ZMAT4: variants seen among roughly 807,000 people sequenced by gnomAD.
ZMAT4 encodes the protein zinc finger matrin-type protein 4.
A neutral mutation model predicts 28.7 loss-of-function variants in ZMAT4; 17 were observed. That is an observed-to-expected ratio of 0.59 (90% CI 0.41 to 0.89). The LOEUF is 0.89. ZMAT4 is among the 40% of genes least tolerant of loss of function. The probability of loss-of-function intolerance (pLI) is 0.00; values close to 1 mark genes in which losing one functional copy is unlikely to be tolerated. For synonymous variants in ZMAT4, 117 were observed against 109.2 expected (o/e 1.07, Z -0.44); for missense variants, 240 against 283.8 (o/e 0.85, Z 1.11).
At position 40,619,629 on chromosome 8, in the gene ZMAT4, A is replaced by G. The variant is rs906125901; in HGVS notation, c.578-38368T>C. The stretch of plus-strand genomic sequence containing the variant: ...GGAGACAGGACAGGCATGCAGGGGC[A>G]AGGTCCAAGTAGGCAGGCACTGGAG... On this transcript the variant is annotated intron_variant, in intron 5 of 6. Transcript: ENST00000297737. Among the ~76,000 whole-genome samples, 4 of 152,220 alleles carry G rather than the reference A, an allele frequency of 2.6e-5. No individual in the cohort carries two copies. The East Asian group carries it at 7.7e-4, about 29-fold the overall frequency.
At chr8:40,580,012 T>TTTA (rs1455107936) in intron 6 of ZMAT4, among the ~76,000 whole-genome samples, 2 of 114,076 alleles carry the variant, frequency 1.8e-5, no homozygotes, top group African/African-American at 9.5e-5. Flanking sequence ...GTATTCATCT[T>TTTA]TTTTTTTTTT....
intron 5 of ZMAT4, among the ~76,000 whole-genome samples, chr8:40,607,567 A>T (rs1805641399): frequency 6.6e-6 from 1 of 152,008 alleles, no homozygotes; most frequent in Admixed American, 6.6e-5. Flanking sequence ...GCTTGGATCC[A>T]AGCCAAATGT....
Position 40,891,630 on chromosome 8 carries a change from G to A in ZMAT4, c.-5+6053C>T, listed in dbSNP as rs150159849. On this transcript the variant is annotated intron_variant, in intron 1 of 6. Coordinates refer to ENST00000297737, the MANE Select transcript of ZMAT4 (RefSeq NM_024645.3). ...GGGCACCCTGCCCTGCTGCCTGAGG[G>A]GCTGATGGTCTCGCTGGGCCAGTTC... Among the ~76,000 whole-genome samples the A allele has an allele frequency of 3.3e-3, 498 of 152,178 alleles. 1 individual carries two copies. The highest frequency in any genetic ancestry group is 0.011 in the African/African-American group (473 of 41,552).
At chr8:40,566,427 A>C (rs182943094) in intron 6 of ZMAT4, among the ~76,000 whole-genome samples, 1 of 152,030 alleles carries the variant, frequency 6.6e-6, no homozygotes, top group African/African-American at 2.4e-5. Context: ...CCTCCTTCCT[A>C]TTACCTTTAG....
chr8:40,685,131 TG>T, intron 4 of ZMAT4, among the ~76,000 whole-genome samples: 1 of 86,306 alleles, frequency 1.2e-5, no homozygotes, highest in African/African-American at 4.2e-5. Context: ...TGGGAACTGC[TG>T]TTCTGAGTCA....
chr8:40,698,706 A>G (rs1235881514), intron 3 of ZMAT4, among the ~76,000 whole-genome samples: 1 of 152,196 alleles, frequency 6.6e-6, no homozygotes, highest in Non-Finnish European at 1.5e-5. Flanking sequence ...TTAGGAAATG[A>G]ATTCCTTCCT....
At chr8:40,804,726 A>G (rs1014539343) in intron 2 of ZMAT4, among the ~76,000 whole-genome samples, 5 of 151,992 alleles carry the variant, frequency 3.3e-5, no homozygotes, top group African/African-American at 4.8e-5. Context: ...CTATAATCCC[A>G]GCTACTTGGG....
chr8:40,820,185 TGG>T (rs1274159736), intron 2 of ZMAT4, among the ~76,000 whole-genome samples: 21 of 143,706 alleles, frequency 1.5e-4, no homozygotes, highest in African/African-American at 4.6e-4. Context: ...TGTGTGTGTG[TGG>T]GCGGGTGTGT....
At chr8:40,828,093 G>T (rs568160397) in intron 1 of ZMAT4, among the ~76,000 whole-genome samples, 17 of 152,244 alleles carry the variant, frequency 1.1e-4, no homozygotes, top group African/African-American at 3.9e-4. Flanking sequence ...TCCGGAGATG[G>T]TCTACATGAG....
intron 6 of ZMAT4, among the ~76,000 whole-genome samples, chr8:40,575,320 G>A (rs867818631): frequency 2.6e-5 from 4 of 152,102 alleles, no homozygotes; most frequent in South Asian, 4.1e-4. Flanking sequence ...CCCACCCCAA[G>A]AAGATACAGC....
intron 3 of ZMAT4, among the ~76,000 whole-genome samples, chr8:40,762,540 C>T (rs1812985466): frequency 6.6e-6 from 1 of 152,000 alleles, no homozygotes; most frequent in African/African-American, 2.4e-5. Context: ...CCTGCAATCC[C>T]ACCTACTTGG....
chr8:40,612,760 A>G (rs1378993976), intron 5 of ZMAT4, among the ~76,000 whole-genome samples: 4 of 130,572 alleles, frequency 3.1e-5, no homozygotes, highest in African/African-American at 7.7e-5. Context: ...TATATTTTGT[A>G]TACTTTATTC....
intron 2 of ZMAT4, among the ~76,000 whole-genome samples, chr8:40,786,461 A>G (rs1214054967): frequency 2.6e-5 from 4 of 152,060 alleles, no homozygotes; most frequent in Non-Finnish European, 5.9e-5. Context: ...TCATTCATTC[A>G]TTCATTCATT....
intron 3 of ZMAT4, among the ~76,000 whole-genome samples, chr8:40,761,901 T>C (rs549548617): frequency 4.5e-4 from 69 of 152,352 alleles, no homozygotes; most frequent in African/African-American, 1.5e-3. Context: ...ATTGCTTGAT[T>C]ATAACCATGG....
At chr8:40,597,900 G>A (rs1805155805) in intron 5 of ZMAT4, among the ~76,000 whole-genome samples, 1 of 152,130 alleles carries the variant, frequency 6.6e-6, no homozygotes, top group South Asian at 2.1e-4. Flanking sequence ...GCTATTATTT[G>A]AATTTCATGA....
At position 40,733,563 on chromosome 8, in the gene ZMAT4, C is replaced by T. The variant is rs182475026; in HGVS notation, c.192+34078G>A. Among the ~76,000 whole-genome samples the T allele has an allele frequency of 1.7e-3, 255 of 151,904 alleles. 1 individual carries two copies. The highest frequency in any genetic ancestry group is 2.2e-3 in the Non-Finnish European group (148 of 67,994). ...TGCAGAAGCTTTTGGATTTGTTGAG[C>T]AGTCATAGCCTATTACAAGTTGTGT... On this transcript the variant is annotated intron_variant, in intron 3 of 6. Coordinates refer to ENST00000297737, the MANE Select transcript of ZMAT4 (RefSeq NM_024645.3).
At chr8:40,804,828 G>A (rs1249297382) in intron 2 of ZMAT4, among the ~76,000 whole-genome samples, 3 of 151,970 alleles carry the variant, frequency 2.0e-5, no homozygotes, top group Non-Finnish European at 2.9e-5. Context: ...GTGACAGAGT[G>A]AGACTCTGTC....
intron 2 of ZMAT4, among the ~76,000 whole-genome samples, chr8:40,777,067 T>A (rs370335251): frequency 6.6e-6 from 1 of 152,156 alleles, no homozygotes; most frequent in Non-Finnish European, 1.5e-5. Flanking sequence ...GAACTAGTAT[T>A]TCATTAAATA....
chr8:40,766,902 C>A (rs567085161), intron 3 of ZMAT4, among the ~76,000 whole-genome samples: 1 of 152,196 alleles, frequency 6.6e-6, no homozygotes, highest in Non-Finnish European at 1.5e-5. Context: ...ATAAATTCTA[C>A]GCCTGCAGCC....
Sources: allele counts gnomAD v4.1 joint callset (sites outside exome capture counted in the v4.1 genomes callset), GRCh38; gene constraint gnomAD v4.1.1; transcripts MANE v1.5; gene names NCBI Gene and HGNC (gene_info 2026-07-23, HGNC 2026-07-21).